FCN2: variants seen among roughly 807,000 people sequenced by gnomAD.
The protein encoded by FCN2 is ficolin 2, also known as ficolin-2.
FCN2 carries 31 observed loss-of-function variants against 32.5 expected under a neutral mutation model. That is an observed-to-expected ratio of 0.96 (90% CI 0.72 to 1.29). The LOEUF (loss-of-function observed/expected upper bound fraction) is 1.29, where lower values mean the gene tolerates loss of function less well. Among genes scored for constraint, FCN2 ranks in the 50% most tolerant of loss-of-function variants. The pLI, the probability that FCN2 is intolerant of heterozygous loss-of-function variation, is 0.00. For synonymous variants in FCN2, 181 were observed against 164.5 expected (o/e 1.10, Z -0.77); for missense variants, 412 against 406.5 (o/e 1.01, Z -0.12).
chr9:134,885,425 A>G lies in FCN2; in HGVS notation c.429+59A>G, dbSNP rs1356860263. ...GGGAGTCCCGGAGGCCAGGCTGCAC[A>G]CCTGGTGGGAGAACACACTCTGGAA... On this transcript the variant is annotated intron_variant, in intron 5 of 7. Coordinates refer to ENST00000291744, the MANE Select transcript of FCN2 (RefSeq NM_004108.3). 4.4e-6 allele frequency: 7 copies of G among 1,595,564 alleles called. No individual in the cohort carries two copies. The African/African-American group carries it at 9.4e-5, about 21-fold the overall frequency.
chr9:134,874,469 A>G, the FCN2 span, among the ~76,000 whole-genome samples: 1 of 152,218 alleles, frequency 6.6e-6, no homozygotes, highest in Non-Finnish European at 1.5e-5. Context: ...TGAAAAGTCT[A>G]GCTTTTCTCC....
Position 134,885,317 on chromosome 9 carries a change from G to A in FCN2, c.380G>A (p.Arg127Gln), listed in dbSNP as rs575801515. ...GWHTIYLPDC[R>Q]PLTVLCDMDT... ...CACACCATCTACCTGCCCGACTGCC[G>A]GCCCCTGACTGTGCTCTGTGACATG... Residue 127 changes from arginine (R) to glutamine (Q), a missense_variant, in exon 5 of 8, where the codon CGG (arginine) becomes CAG (glutamine). Arg to Gln is a conservative substitution (Grantham distance 43). Coordinates refer to ENST00000291744, the MANE Select transcript of FCN2 (RefSeq NM_004108.3). 1.5e-5 allele frequency: 25 copies of A among 1,614,070 alleles called. No homozygotes were observed. The highest frequency in any genetic ancestry group is 8.9e-5 in the East Asian group (4 of 44,870).
chr9:134,879,890 C>G (rs1830639818), upstream of FCN2, among the ~76,000 whole-genome samples: 1 of 152,172 alleles, frequency 6.6e-6, no homozygotes, highest in Non-Finnish European at 1.5e-5. Context: ...GGTTCCGTCT[C>G]TGGGGGCTTT....
At position 134,883,335 on chromosome 9, in the gene FCN2, C is replaced by A; in HGVS notation, c.248C>A (p.Ala83Glu). ...ERGPPGPPGK[A>E]GPPGPNGAPG... ...GGCCCCCCTGGACCTCCTGGGAAGG[C>A]AGGACCACCTGGGCCCAACGGTAAG... Residue 83 changes from alanine to glutamate, a missense_variant, in exon 3 of 8, where the codon GCA (alanine) becomes GAA (glutamate). Ala to Glu is a moderately radical substitution (Grantham distance 107). Coordinates refer to ENST00000291744, the MANE Select transcript of FCN2 (RefSeq NM_004108.3). 6.2e-7 allele frequency: 1 copy of A among 1,613,664 alleles called. No individual in the cohort carries two copies.
chr9:134,885,176 C>A, intron 4 of FCN2, 63 bp from the exon 5 acceptor site: 1 of 1,610,354 alleles, frequency 6.2e-7, no homozygotes. Context: ...AGGCCTCCCT[C>A]CTACTGCCTG....
chr9:134,868,782 C>T, the FCN2 span, among the ~76,000 whole-genome samples: 36 of 152,344 alleles, frequency 2.4e-4, no homozygotes, highest in Non-Finnish European at 4.6e-4. The surrounding 1 kb of genome is among the most constrained non-coding windows in gnomAD (Gnocchi z 4.3). Context: ...GACCAGTGAC[C>T]ACACCACTGT....
intron 5 of FCN2, 84 bp downstream of exon 5, chr9:134,885,450 A>C: frequency 1.3e-6 from 2 of 1,560,582 alleles, no homozygotes; most frequent in Non-Finnish European, 1.7e-6. Flanking sequence ...ACACTCTGGA[A>C]TTCTCTATTC....
intron 1 of FCN2, among the ~76,000 whole-genome samples, 188 bp from the exon 2 acceptor site, chr9:134,882,338 C>T (rs1047801320): frequency 6.6e-6 from 1 of 152,220 alleles, no homozygotes; most frequent in Non-Finnish European, 1.5e-5. Flanking sequence ...GACCAAGTGC[C>T]CACCAGGGCA....
chr9:134,865,013 G>A, the FCN2 span, among the ~76,000 whole-genome samples: 5 of 152,232 alleles, frequency 3.3e-5, no homozygotes, highest in Admixed American at 6.5e-5. Context: ...GGCAGTGGGC[G>A]TACAGGGCGC....
chr9:134,874,649 C>T, the FCN2 span, among the ~76,000 whole-genome samples: 1 of 152,064 alleles, frequency 6.6e-6, no homozygotes. Context: ...TAGTATTGAC[C>T]TCCCAAATTT....
intron 5 of FCN2, 27 bp from the exon 6 acceptor site, chr9:134,885,741 G>C (rs758855049): frequency 1.6e-5 from 26 of 1,613,858 alleles, no homozygotes; most frequent in Non-Finnish European, 2.1e-5. Flanking sequence ...TGGCCCCCCC[G>C]GCTCCTGTCC....
upstream of FCN2, among the ~76,000 whole-genome samples, chr9:134,875,844 C>T (rs758253226): frequency 9.2e-5 from 14 of 152,112 alleles, no homozygotes; most frequent in Non-Finnish European, 1.6e-4. Context: ...AGCAGAGAAC[C>T]CCAATAAACT....
the FCN2 span, among the ~76,000 whole-genome samples, chr9:134,865,463 C>T: frequency 6.6e-6 from 1 of 152,226 alleles, no homozygotes; most frequent in Non-Finnish European, 1.5e-5. Flanking sequence ...AAAACACACA[C>T]TACAGAGGCC....
chr9:134,864,781 T>C, the FCN2 span, among the ~76,000 whole-genome samples: 12 of 152,198 alleles, frequency 7.9e-5, no homozygotes, highest in Non-Finnish European at 1.5e-4. Context: ...TTTGTGAAGG[T>C]TCCTGCCTCA....
At chr9:134,885,400 G>C (rs1348830598) in intron 5 of FCN2, 34 bp downstream of exon 5, 3 of 1,606,820 alleles carry the variant, frequency 1.9e-6, no homozygotes, top group East Asian at 4.5e-5. Context: ...CGGTCAGCCT[G>C]GGAGTCCCGG....
the FCN2 span, among the ~76,000 whole-genome samples, chr9:134,871,288 C>A: frequency 1.3e-5 from 2 of 152,114 alleles, no homozygotes; most frequent in Non-Finnish European, 1.5e-5. Flanking sequence ...TTTTCGGGGC[C>A]TGTGGTTTCT....
At chr9:134,885,733 G>GC (rs756554144) in intron 5 of FCN2, 35 bp from the exon 6 acceptor site, 72 of 1,612,560 alleles carry the variant, frequency 4.5e-5, no homozygotes, top group Admixed American at 8.3e-5. Context: ...CGTCGGCCTG[G>GC]CCCCCCCGGC....
At chr9:134,886,283 A>T in intron 6 of FCN2, 147 bp from the exon 7 acceptor site, 1 of 936,316 alleles carries the variant, frequency 1.1e-6, no homozygotes, top group Non-Finnish European at 1.7e-6. Flanking sequence ...GGTCAGAGCT[A>T]CACAGGCCCC....
In FCN2 at chr9:134,884,672, A is replaced by G. The variant is rs540035261; in HGVS notation, c.269-68A>G. 1.4e-4 allele frequency: 207 copies of G among 1,490,078 alleles called. 2 individuals are homozygous for G. In the South Asian group the frequency reaches 2.3e-3, roughly 16 times the overall value. The allele number at this position is 1,490,078 out of a possible 1,614,324, so 92.3% of individuals were successfully genotyped here. Reference sequence around the variant, plus strand: ...GAGGCCCAGAAAATGGTGTCCGCGGACCAATGGGGGCTGAAGGGCTCTGAT... The same window carrying G: ...GAGGCCCAGAAAATGGTGTCCGCGGGCCAATGGGGGCTGAAGGGCTCTGAT... On this transcript the variant is annotated intron_variant, in intron 3 of 7. Coordinates refer to ENST00000291744, the MANE Select transcript of FCN2 (RefSeq NM_004108.3).
Sources: allele counts gnomAD v4.1 joint callset (sites outside exome capture counted in the v4.1 genomes callset), GRCh38; gene constraint gnomAD v4.1.1; non-coding constraint Gnocchi (gnomAD v3.1); transcripts MANE v1.5; gene names NCBI Gene and HGNC (gene_info 2026-07-23, HGNC 2026-07-21).